Variants in KCNC1 observed in about 807,000 individuals in gnomAD.
The protein encoded by KCNC1 is potassium voltage-gated channel subfamily C member 1, also known as voltage-gated potassium channel KCNC1.
KCNC1 carries 8 observed loss-of-function variants against 43.4 expected under a neutral mutation model. The ratio of observed to expected loss-of-function variants is 0.18; its 90% CI spans 0.11 to 0.33. The LOEUF (loss-of-function observed/expected upper bound fraction) is 0.33, where lower values mean the gene tolerates loss of function less well. Among genes scored for constraint, KCNC1 ranks in the 10% least tolerant of loss-of-function variants. KCNC1 has a pLI of 1.00. For missense variants in KCNC1, 420 were observed against 836.0 expected (o/e 0.50, Z 6.14); for synonymous variants, 361 against 360.5 (o/e 1.00, Z -0.01).
At position 17,736,649 on chromosome 11, in the gene KCNC1, C is replaced by G. The variant is rs993821132; in HGVS notation, c.570+77C>G. ...TGCCTCCCCGCGGGCAGGGGTGGAC[C>G]GGAGAACTGGCGCCTAGGGAGTTCA... On this transcript the variant is annotated intron_variant, in intron 1 of 3. Transcript: ENST00000265969. This position sits in a 1 kb window ranked among gnomAD's most constrained non-coding sequence, Gnocchi z 9.3. 41 of 1,441,118 alleles carry G rather than the reference C, an allele frequency of 2.8e-5. No homozygotes were observed. Among genetic ancestry groups the G allele is most frequent in the Non-Finnish European group, 3.6e-5 (40 of 1,103,992 alleles). 89.3% of individuals were successfully genotyped at this position (1,441,118 alleles called of 1,614,324 possible).
At chr11:17,768,611 G>T (rs1294009521) in intron 1 of KCNC1, among the ~76,000 whole-genome samples, 2 of 112,616 alleles carry the variant, frequency 1.8e-5, no homozygotes, top group Non-Finnish European at 3.9e-5. Context: ...ATGGATGTTG[G>T]TGGGGGGGGG....
At chr11:17,780,128 AG>A (rs907250794) in intron 3 of KCNC1, 2 of 153,326 alleles carry the variant, frequency 1.3e-5, no homozygotes, top group Non-Finnish European at 2.9e-5. Context: ...TCAATCCACA[AG>A]CCAGAGGGAG....
chr11:17,781,627 C>G lies in KCNC1; in HGVS notation c.1694-43C>G. ...TAAGTACCAAGCGGGATGGGAGAGC[C>G]AAGAAGAGAAGCTCAAGTGTTAATT... On this transcript the variant is annotated intron_variant, in intron 3 of 3. Transcript: ENST00000265969. This position sits in a 1 kb window ranked among gnomAD's most constrained non-coding sequence, Gnocchi z 5.1. The G allele has an allele frequency of 7.2e-7, 1 of 1,382,316 alleles. No homozygotes were observed. Among genetic ancestry groups the G allele is most frequent in the Non-Finnish European group, 1.0e-6 (1 of 994,208 alleles). 85.6% of individuals were successfully genotyped at this position (1,382,316 alleles called of 1,614,324 possible). A position where few individuals can be genotyped will look rare whatever the true frequency, so the allele number is the denominator to read the frequency against.
At position 17,766,187 on chromosome 11, in the gene KCNC1, G is replaced by A. The variant is rs147503272; in HGVS notation, c.571-5478G>A. The stretch of plus-strand genomic sequence containing the variant: ...TGTGCCGAGTGTGTATGCACGAGTG[G>A]TGCGTGTGTGCGCCTTGCAGTGCAG... On this transcript the variant is annotated intron_variant, in intron 1 of 3. Transcript: ENST00000265969. 2.8e-4 allele frequency among the ~76,000 whole-genome samples: 43 copies of A among 152,378 alleles called. 1 individual carries two copies. Among genetic ancestry groups the A allele is most frequent in the Admixed American group, 2.3e-3 (35 of 15,310 alleles).
chr11:17,753,571 G>A (rs567349411), intron 1 of KCNC1, among the ~76,000 whole-genome samples: 1 of 152,352 alleles, frequency 6.6e-6, no homozygotes, highest in African/African-American at 2.4e-5. Context: ...TCCTGTCATC[G>A]TTCCCGACCT....
Sources: gnomAD v4.1 joint callset for allele counts (sites outside exome capture counted in the v4.1 genomes callset) on GRCh38, gnomAD v4.1.1 for gene constraint, Gnocchi (gnomAD v3.1) non-coding constraint, MANE v1.5 for transcripts, NCBI Gene and HGNC (gene_info 2026-07-23, HGNC 2026-07-21) for gene names.